Variants in CPNE5 observed in about 807,000 individuals in gnomAD.
The protein encoded by CPNE5 is copine 5.
In CPNE5, 42 loss-of-function variants were observed where a neutral mutation model predicts 81.1. The ratio of observed to expected loss-of-function variants is 0.52; its 90% CI spans 0.40 to 0.67. The LOEUF is 0.67. CPNE5 is among the 30% of genes least tolerant of loss of function. CPNE5 has a pLI of 0.00. For synonymous variants in CPNE5, 313 were observed against 321.5 expected, an observed-to-expected ratio of 0.97 and a Z score of 0.28; for missense variants, 612 against 815.5, an observed-to-expected ratio of 0.75 and a Z score of 3.04.
At chr6:36,777,766 C>CA (rs1165860902) in intron 9 of CPNE5, among the ~76,000 whole-genome samples, 8 of 109,464 alleles carry the variant, frequency 7.3e-5, no homozygotes, top group African/African-American at 2.4e-4. Flanking sequence ...CCCCCCCCCA[C>CA]CACACACACA....
intron 20 of CPNE5, chr6:36,743,264 T>C (rs1001170451): frequency 4.9e-5 from 48 of 984,064 alleles, no homozygotes; most frequent in Non-Finnish European, 5.6e-5. Context: ...TTCTGCTCAT[T>C]ATATTTGCAC....
intron 11 of CPNE5, among the ~76,000 whole-genome samples, chr6:36,764,509 T>A (rs1270536743): frequency 6.6e-6 from 1 of 152,170 alleles, no homozygotes; most frequent in Non-Finnish European, 1.5e-5. Context: ...GAAGTCCTCC[T>A]AAGTCACTCC....
At chr6:36,749,075 C>G (rs777261729) in intron 14 of CPNE5, among the ~76,000 whole-genome samples, 40 of 152,014 alleles carry the variant, frequency 2.6e-4, no homozygotes, top group Admixed American at 4.6e-4. Flanking sequence ...TAGCTGGGAC[C>G]ACAGGCACGC....
intron 20 of CPNE5, chr6:36,742,852 G>A (rs959891768): frequency 1.5e-5 from 15 of 985,214 alleles, no homozygotes; most frequent in Admixed American, 6.2e-5. Flanking sequence ...GGTTTCCCCC[G>A]ACCTGTCCAG....
chr6:36,815,394 T>C (rs772286149), intron 3 of CPNE5, among the ~76,000 whole-genome samples: 8 of 152,156 alleles, frequency 5.3e-5, no homozygotes, highest in Admixed American at 1.3e-4. Flanking sequence ...TTGAAATTCT[T>C]ATTTCATTGT....
At chr6:36,801,929 G>A (rs1473173483) in intron 3 of CPNE5, among the ~76,000 whole-genome samples, 1 of 152,132 alleles carries the variant, frequency 6.6e-6, no homozygotes, top group Non-Finnish European at 1.5e-5. Flanking sequence ...CTTAAAAATG[G>A]TTATGATGCG....
upstream of CPNE5, chr6:36,839,748 C>T (rs1259883635): frequency 4.3e-5 from 9 of 208,842 alleles, no homozygotes; most frequent in East Asian, 9.3e-4. This position sits in a 1 kb window ranked among gnomAD's most constrained non-coding sequence, Gnocchi z 7.3. Context: ...GAGAGGGACG[C>T]GCGTCTGTGG....
chr6:36,789,444 T>C (rs1768894193), intron 8 of CPNE5, among the ~76,000 whole-genome samples: 1 of 152,164 alleles, frequency 6.6e-6, no homozygotes, highest in South Asian at 2.1e-4. Flanking sequence ...TGTGACTTTA[T>C]TTGGTTATAA....
intron 10 of CPNE5, among the ~76,000 whole-genome samples, chr6:36,773,573 A>G (rs1276285389): frequency 6.6e-6 from 1 of 152,170 alleles, no homozygotes; most frequent in Non-Finnish European, 1.5e-5. Context: ...ACATTTGTGG[A>G]TGAGATGCTG....
At position 36,742,189 on chromosome 6, in the gene CPNE5, C is replaced by A; in HGVS notation, c.*79G>T. 8.2e-7 allele frequency: 1 copy of A among 1,220,720 alleles called. No homozygotes were observed. The highest frequency in any genetic ancestry group is 1.1e-6 in the Non-Finnish European group (1 of 879,480). The allele number at this position is 1,220,720 out of a possible 1,614,324, so 75.6% of individuals were successfully genotyped here. On this transcript the variant is annotated 3_prime_UTR_variant, in exon 21 of 21. Coordinates refer to ENST00000244751, the MANE Select transcript of CPNE5 (RefSeq NM_020939.2). ...ATGTCCCAAAGGCCGGGCAGGCCAACTTCGGGGAGTCTGGGGCCCTGGCCT... is the reference window on the plus strand; with the variant it reads ...ATGTCCCAAAGGCCGGGCAGGCCAAATTCGGGGAGTCTGGGGCCCTGGCCT...
intron 13 of CPNE5, chr6:36,755,530 T>G (rs1033396406): frequency 7.2e-6 from 1 of 139,342 alleles, no homozygotes; most frequent in Non-Finnish European, 1.6e-5. Context: ...TGTGTGTGTG[T>G]GTTTTTTTTT....
intron 1 of CPNE5, among the ~76,000 whole-genome samples, chr6:36,832,152 T>C (rs892995736): frequency 6.6e-6 from 1 of 152,252 alleles, no homozygotes; most frequent in Non-Finnish European, 1.5e-5. Context: ...ATCAGTCACC[T>C]AACACTGTCC....
rs1340635271 is a variant in CPNE5, at chr6:36,805,589, G to C, written c.184-5519C>G. Among the ~76,000 whole-genome samples the C allele has an allele frequency of 2.0e-5, 3 of 152,218 alleles. No individual in the cohort carries two copies. The East Asian group carries it at 5.8e-4, about 29-fold the overall frequency. On this transcript the variant is annotated intron_variant, in intron 3 of 20. Transcript: ENST00000244751. Reference sequence around the variant, plus strand: ...CGCAAGTGTGCACTGGGGAGGCTGAGGGATGAAAACTGGGCAGGAGGCTGA... The same window carrying C: ...CGCAAGTGTGCACTGGGGAGGCTGACGGATGAAAACTGGGCAGGAGGCTGA...
intron 3 of CPNE5, among the ~76,000 whole-genome samples, chr6:36,821,445 T>G: frequency 6.6e-6 from 1 of 151,288 alleles, no homozygotes; most frequent in Non-Finnish European, 1.5e-5. Flanking sequence ...AGGAATAGAG[T>G]GAGGGTGTCT....
chr6:36,827,572 TC>T, intron 1 of CPNE5: 1 of 985,292 alleles, frequency 1.0e-6, no homozygotes, highest in Non-Finnish European at 1.2e-6. Flanking sequence ...GGCCTCAGTT[TC>T]CCCCGCTGCA....
chr6:36,767,103 G>A (rs914917566), intron 10 of CPNE5, among the ~76,000 whole-genome samples: 2 of 152,156 alleles, frequency 1.3e-5, no homozygotes, highest in African/African-American at 4.8e-5. Context: ...TGATCCACCC[G>A]TCTCGGCCTC....
chr6:36,807,328 T>C lies in CPNE5; in HGVS notation c.184-7258A>G, dbSNP rs1210959166. Among the ~76,000 whole-genome samples, 5 of 152,210 alleles carry C rather than the reference T, an allele frequency of 3.3e-5. No homozygotes were observed. In the East Asian group the frequency reaches 9.6e-4, roughly 29 times the overall value. ...GTGACCTTGGGCAAATGCCTTTACC[T>C]CTCTGTGCCTCAGTTTCCTCCTCTG... is the stretch of plus-strand genomic sequence containing the variant. On this transcript the variant is annotated intron_variant, in intron 3 of 20. Transcript: ENST00000244751.
intron 12 of CPNE5, among the ~76,000 whole-genome samples, chr6:36,758,446 G>T (rs4714009): frequency 6.7e-6 from 1 of 148,790 alleles, no homozygotes; most frequent in Non-Finnish European, 1.5e-5. Flanking sequence ...ATAGGATCTC[G>T]CTATGTTACT....
At chr6:36,839,944 C>G (rs1331448129), upstream of CPNE5, 2 of 151,604 alleles carry the variant, frequency 1.3e-5, no homozygotes, top group Non-Finnish European at 2.9e-5. The surrounding 1 kb of genome is among the most constrained non-coding windows in gnomAD (Gnocchi z 7.3). Context: ...CGAGCGCCAC[C>G]TCCTCGGCTC....
Sources: allele counts gnomAD v4.1 joint callset (sites outside exome capture counted in the v4.1 genomes callset), GRCh38; gene constraint gnomAD v4.1.1; non-coding constraint Gnocchi (gnomAD v3.1); transcripts MANE v1.5; gene names NCBI Gene and HGNC (gene_info 2026-07-23, HGNC 2026-07-21).